Variants in PMEPA1 observed in about 807,000 individuals in gnomAD.
PMEPA1 encodes protein TMEPAI.
Under a neutral mutation model 23.0 loss-of-function variants are expected in PMEPA1, and 11 were observed. The observed-to-expected ratio is 0.48, with a 90% CI of 0.30 to 0.79. The LOEUF (loss-of-function observed/expected upper bound fraction) is 0.79. PMEPA1 is among the 30% of genes least tolerant of loss of function. The pLI is 0.06. For synonymous variants in PMEPA1, 204 were observed against 166.4 expected, an observed-to-expected ratio of 1.23 and a Z score of -1.74; for missense variants, 377 against 390.9, an observed-to-expected ratio of 0.96 and a Z score of 0.30.
chr20:57,651,694 A>C lies in PMEPA1; in HGVS notation c.*359T>G, dbSNP rs1325271427. ...ATCTTTAAACAAAGGTTTTGTGCAA[A>C]TATGTCTTTAAAGTTAAGTGAAATT... On this transcript the variant is annotated 3_prime_UTR_variant, in exon 4 of 4. Coordinates refer to ENST00000341744, the MANE Select transcript of PMEPA1 (RefSeq NM_020182.5). The C allele has an allele frequency of 6.4e-6, 1 of 155,280 alleles. No homozygotes were observed. The highest frequency in any genetic ancestry group is 1.4e-5 in the Non-Finnish European group (1 of 70,286). 9.6% of individuals were successfully genotyped at this position (155,280 alleles called of 1,614,324 possible).
At chr20:57,672,018 T>C (rs945330614) in intron 1 of PMEPA1, among the ~76,000 whole-genome samples, 3 of 152,218 alleles carry the variant, frequency 2.0e-5, no homozygotes, top group Non-Finnish European at 2.9e-5. Flanking sequence ...GTAAATAAAA[T>C]ATGGATCCAT....
intron 1 of PMEPA1, among the ~76,000 whole-genome samples, chr20:57,662,533 G>C (rs2071436012): frequency 6.6e-6 from 1 of 152,210 alleles, no homozygotes; most frequent in Non-Finnish European, 1.5e-5. Flanking sequence ...CTGGCCAGGA[G>C]AGATCAGGCT....
At chr20:57,675,577 C>T (rs1185325066) in intron 1 of PMEPA1, among the ~76,000 whole-genome samples, 1 of 151,972 alleles carries the variant, frequency 6.6e-6, no homozygotes, top group Non-Finnish European at 1.5e-5. Context: ...GAGTGTTTTC[C>T]GGTTTGGGGG....
chr20:57,667,798 C>CG (rs2071515189), intron 1 of PMEPA1, among the ~76,000 whole-genome samples: 1 of 152,184 alleles, frequency 6.6e-6, no homozygotes, highest in East Asian at 1.9e-4. Context: ...ACTTCATTTA[C>CG]TGCCCTCTCC....
chr20:57,711,063 T>C (rs527644422), upstream of PMEPA1: 1 of 152,234 alleles, frequency 6.6e-6, no homozygotes, highest in African/African-American at 2.4e-5. Context: ...GGAAGTCGCT[T>C]GTTGAAAGTC....
intron 1 of PMEPA1, among the ~76,000 whole-genome samples, chr20:57,706,588 CCATT>C (rs1465550494): frequency 6.6e-6 from 1 of 152,134 alleles, no homozygotes; most frequent in Non-Finnish European, 1.5e-5. Context: ...CAAGCCCACT[CCATT>C]CAGCATCCTG....
rs2071255271 is a variant in PMEPA1, at chr20:57,652,372, G to A, written c.545C>T (p.Ser182Leu). 1.9e-6 allele frequency: 3 copies of A among 1,613,452 alleles called. No homozygotes were observed. The highest frequency in any genetic ancestry group is 2.5e-6 in the Non-Finnish European group (3 of 1,179,922). ...PEQQLELNRE[S>L]VRAPPNRTIF... ...GGTTCTGTTTGGGGGTGCGCGCACC[G>A]ACTCCCGGTTCAGTTCCAGCTGCTG... The change falls in exon 4 of 4, where the codon TCG (serine) becomes TTG (leucine). Residue 182 changes from serine (S) to leucine (L), a missense_variant. Ser to Leu is a moderately radical substitution (Grantham distance 145). This residue lies in a region of PMEPA1 where 176 missense variants were observed against 173.0 expected (regional missense o/e 1.02). Coordinates refer to ENST00000341744, the MANE Select transcript of PMEPA1 (RefSeq NM_020182.5). The surrounding 1 kb of genome is among the most constrained non-coding windows in gnomAD (Gnocchi z 6.1).
chr20:57,684,594 C>A (rs911384708), intron 1 of PMEPA1, among the ~76,000 whole-genome samples: 46 of 152,076 alleles, frequency 3.0e-4, no homozygotes, highest in Admixed American at 1.7e-3. Flanking sequence ...TTGGGGGGCC[C>A]GGGAGACCCT....
At chr20:57,700,831 C>T (rs917480163) in intron 1 of PMEPA1, among the ~76,000 whole-genome samples, 4 of 152,170 alleles carry the variant, frequency 2.6e-5, no homozygotes, top group African/African-American at 9.6e-5. Flanking sequence ...AGTTTGAGAC[C>T]AGCCTGGCCA....
rs897832303 is a variant in PMEPA1, at chr20:57,683,505, C to T, written c.110-23808G>A. Reference sequence around the variant, plus strand: ...GGAGCGAGCAGCCCTGCATGCATTACGAACTTGCATTACTATACTAACTCG... The same window carrying T: ...GGAGCGAGCAGCCCTGCATGCATTATGAACTTGCATTACTATACTAACTCG... On this transcript the variant is annotated intron_variant, in intron 1 of 3. Transcript: ENST00000341744. This position sits in a 1 kb window ranked among gnomAD's most constrained non-coding sequence, Gnocchi z 4.3. 3.3e-5 allele frequency among the ~76,000 whole-genome samples: 5 copies of T among 151,434 alleles called. No individual in the cohort carries two copies. Among genetic ancestry groups the T allele is most frequent in the Middle Eastern group, 3.4e-3 (1 of 294 alleles).
At chr20:57,669,829 A>T (rs991363069) in intron 1 of PMEPA1, among the ~76,000 whole-genome samples, 2 of 152,094 alleles carry the variant, frequency 1.3e-5, no homozygotes, top group Non-Finnish European at 2.9e-5. Flanking sequence ...ACATTTCTGC[A>T]ATCTCAGCAT....
intron 1 of PMEPA1, among the ~76,000 whole-genome samples, chr20:57,672,450 G>A (rs890953477): frequency 1.3e-5 from 2 of 152,278 alleles, no homozygotes; most frequent in African/African-American, 4.8e-5. Flanking sequence ...CCTGGATCAG[G>A]AAGCACAATG....
chr20:57,709,743 C>T lies in PMEPA1; in HGVS notation c.-161G>A. On this transcript the variant is annotated 5_prime_UTR_variant, in exon 1 of 4. Transcript: ENST00000341744. ...GGGTCGCCGCCAAGTTCCCGGGGCG[C>T]CGCGGGGCTCAGTGCGCGGGACCGC... 6 of 979,760 alleles carry T rather than the reference C, an allele frequency of 6.1e-6. No individual in the cohort carries two copies. The highest frequency in any genetic ancestry group is 7.3e-6 in the Non-Finnish European group (6 of 827,566). 60.7% of individuals were successfully genotyped at this position (979,760 alleles called of 1,614,324 possible).
At chr20:57,687,665 A>C (rs1166667136) in intron 1 of PMEPA1, among the ~76,000 whole-genome samples, 1 of 152,214 alleles carries the variant, frequency 6.6e-6, no homozygotes, top group East Asian at 1.9e-4. Context: ...GAAAGGATAA[A>C]ATACTCAGAA....
At chr20:57,657,107 G>C (rs1323399677) in intron 2 of PMEPA1, among the ~76,000 whole-genome samples, 1 of 152,164 alleles carries the variant, frequency 6.6e-6, no homozygotes, top group Non-Finnish European at 1.5e-5. Context: ...AGGATCCCAG[G>C]TGCCGTCTCC....
In PMEPA1 at chr20:57,709,553, G is replaced by A; in HGVS notation, c.30C>T (p.Thr10=). The change falls in exon 1 of 4, where the codon ACC becomes ACT. Residue 10 remains threonine (T), a synonymous_variant. Coordinates refer to ENST00000341744, the MANE Select transcript of PMEPA1 (RefSeq NM_020182.5). ...TGGGCTGCCCGGCGGCGGCGGCGGC[G>A]GTGCTGTTGACCCCCATCAAGCGGT... The part of the protein sequence containing the change: MHRLMGVNS[T]AAAAAGQPNV... 9.1e-7 allele frequency: 1 copy of A among 1,094,912 alleles called. No individual in the cohort carries two copies. The highest frequency in any genetic ancestry group is 1.1e-6 in the Non-Finnish European group (1 of 882,890). The allele number at this position is 1,094,912 out of a possible 1,614,324, so 67.8% of individuals were successfully genotyped here. A position where few individuals can be genotyped will look rare whatever the true frequency, so the allele number is the denominator to read the frequency against.
upstream of PMEPA1, chr20:57,710,260 C>T (rs575637685): frequency 1.1e-4 from 64 of 596,400 alleles, no homozygotes; most frequent in Admixed American, 2.0e-3. Flanking sequence ...GCCTGCCCGG[C>T]GCACGCCCGG....
rs916247287 is a variant in PMEPA1 at position 57,683,067 on chromosome 20, G to A, written c.110-23370C>T. On this transcript the variant is annotated intron_variant, in intron 1 of 3. Transcript: ENST00000341744. The surrounding 1 kb of genome is among the most constrained non-coding windows in gnomAD (Gnocchi z 4.3). ...CTTTTTCAATGTCATCTCTCACGCC[G>A]CAGTCTCCGGGGGCATTTACGCCAC... is the stretch of plus-strand genomic sequence containing the variant. 4.6e-5 allele frequency among the ~76,000 whole-genome samples: 7 copies of A among 152,142 alleles called. No individual in the cohort carries two copies. The highest frequency in any genetic ancestry group is 1.0e-4 in the Non-Finnish European group (7 of 68,032).
At chr20:57,668,891 A>T (rs758325845) in intron 1 of PMEPA1, among the ~76,000 whole-genome samples, 1 of 152,098 alleles carries the variant, frequency 6.6e-6, no homozygotes, top group Non-Finnish European at 1.5e-5. Flanking sequence ...CCCGGCCCCC[A>T]GGTCCCTGCC....
Sources: gnomAD v4.1 joint callset for allele counts (sites outside exome capture counted in the v4.1 genomes callset) on GRCh38, gnomAD v4.1.1 for gene constraint, gnomAD v4.1.1 regional missense constraint, Gnocchi (gnomAD v3.1) non-coding constraint, MANE v1.5 for transcripts, NCBI Gene and HGNC (gene_info 2026-07-23, HGNC 2026-07-21) for gene names.